The following CEBPZOS variants were observed in gnomAD, a reference collection of about 807,000 sequenced individuals.
CEBPZOS encodes CEBPZ opposite strand.
CEBPZOS carries 10 observed loss-of-function variants against 4.8 expected under a neutral mutation model. The observed-to-expected ratio is 2.07, with a 90% CI of 1.28 to 3.52. CEBPZOS has a LOEUF of 3.52. Ranked by LOEUF, CEBPZOS falls within the 30% of genes most tolerant of loss-of-function variation. CEBPZOS has a pLI of 0.00. For missense variants in CEBPZOS, 98 were observed against 43.6 expected (o/e 2.25, Z -3.51); for synonymous variants, 25 against 14.2 (o/e 1.77, Z -1.72).
chr2:37,212,133 CAGA>C (rs2148349017), intron 4 of CEBPZOS: 32 of 1,164,422 alleles, frequency 2.7e-5, no homozygotes, highest in East Asian at 4.7e-5. Flanking sequence ...TTAAATGACT[CAGA>C]AGGAGAAAGC....
In CEBPZOS at chr2:37,201,043, A is replaced by G. The variant is rs931672585; in HGVS notation, c.116-5A>G. On this transcript the variant is annotated splice_polypyrimidine_tract_variant and splice_region_variant and intron_variant, in intron 2 of 4. Transcript: ENST00000402297. ...CTAATTTCAAGACATCCTTTTTTCC[A>G]TCAGATTTCAGGCAAACAATGAGCA... The G allele has an allele frequency of 2.8e-5, 20 of 714,520 alleles. No homozygotes were observed. In the Admixed American group the frequency reaches 3.9e-4, roughly 14 times the overall value. The allele number at this position is 714,520 out of a possible 1,614,324, so 44.3% of individuals were successfully genotyped here.
At chr2:37,198,039 G>C (rs1466837655) in intron 1 of CEBPZOS, among the ~76,000 whole-genome samples, 1 of 149,942 alleles carries the variant, frequency 6.7e-6, no homozygotes, top group Admixed American at 6.6e-5. Context: ...GGGAGTCCCA[G>C]CTCCCAGCTA....
In CEBPZOS at chr2:37,204,277, ATT is replaced by A. The variant is rs531479622; in HGVS notation, c.*2435_*2436del. On this transcript the variant is annotated 3_prime_UTR_variant, in exon 5 of 5. Transcript: ENST00000402297. ...TAACACCATGCCTGGCTAATTTTTGATTTTTTTTTTTTTTTTTTTGAGACAGA... is the reference window on the plus strand; with the variant it reads ...TAACACCATGCCTGGCTAATTTTTGATTTTTTTTTTTTTTTTTGAGACAGA... The A allele has an allele frequency of 7.9e-4, 86 of 109,258 alleles. No individual in the cohort carries two copies. The highest frequency in any genetic ancestry group is 1.7e-3 in the Admixed American group (17 of 10,100). The allele number at this position is 109,258 out of a possible 1,614,324, so 6.8% of individuals were successfully genotyped here. A position where few individuals can be genotyped will look rare whatever the true frequency, so the allele number is the denominator to read the frequency against.
At chr2:37,216,148 T>A, downstream of CEBPZOS, 6 of 1,610,464 alleles carry the variant, frequency 3.7e-6, no homozygotes, top group Non-Finnish European at 5.1e-6. Flanking sequence ...ACCAGGAAGA[T>A]GACGAATATC....
chr2:37,201,243 G>A, intron 3 of CEBPZOS, 151 bp downstream of exon 3: 1 of 588,448 alleles, frequency 1.7e-6, no homozygotes, highest in Non-Finnish European at 3.0e-6. Flanking sequence ...ATTCTAGTGA[G>A]AGGAGAATTA....
downstream of CEBPZOS, chr2:37,213,926 T>G (rs184726546): frequency 5.4e-5 from 86 of 1,591,694 alleles, no homozygotes; most frequent in East Asian, 1.9e-3. Flanking sequence ...TGCATCCCGT[T>G]TTTGTTTCTC....
At chr2:37,215,094 G>A (rs1291306974), downstream of CEBPZOS, 1 of 612,140 alleles carries the variant, frequency 1.6e-6, no homozygotes, top group South Asian at 2.1e-5. Context: ...GGACTCTGGA[G>A]TGCAAGGGAC....
intron 1 of CEBPZOS, among the ~76,000 whole-genome samples, chr2:37,197,628 T>G (rs988803017): frequency 1.3e-5 from 2 of 152,230 alleles, no homozygotes; most frequent in African/African-American, 4.8e-5. Flanking sequence ...TACCAGCACT[T>G]TGGGAGGCCG....
Position 37,201,697 on chromosome 2 carries a change from A to G in CEBPZOS, c.216A>G (p.Gln72=). Residue 72 remains glutamine, a synonymous_variant, in exon 4 of 5, where the codon CAA becomes CAG. Coordinates refer to ENST00000402297, the MANE Select transcript of CEBPZOS (RefSeq NM_001322374.2). ...SGMYGIRELD[Q]KTWLNSKN ...TGTATGGAATCAGAGAGCTAGATCAAAAAACATGGTTGAACAGCAAAAATT... is the reference window on the plus strand; with the variant it reads ...TGTATGGAATCAGAGAGCTAGATCAGAAAACATGGTTGAACAGCAAAAATT... 6.0e-6 allele frequency: 6 copies of G among 997,754 alleles called. No individual in the cohort carries two copies. The highest frequency in any genetic ancestry group is 2.8e-5 in the South Asian group (2 of 72,618). 61.8% of individuals were successfully genotyped at this position (997,754 alleles called of 1,614,324 possible). A position where few individuals can be genotyped will look rare whatever the true frequency, so the allele number is the denominator to read the frequency against.
chr2:37,210,180 A>G (rs1443031273), intron 4 of CEBPZOS: 1 of 152,206 alleles, frequency 6.6e-6, no homozygotes, highest in Non-Finnish European at 1.5e-5. Flanking sequence ...TGCTGGTGGG[A>G]ATGTAAACTA....
chr2:37,213,965 T>C (rs778621833), downstream of CEBPZOS: 12 of 1,453,866 alleles, frequency 8.3e-6, no homozygotes, highest in East Asian at 1.7e-4. Flanking sequence ...ATAATACCTA[T>C]AATATTCATG....
chr2:37,213,574 G>C (rs889428704), exon 5 of CEBPZOS: 4 of 243,162 alleles, frequency 1.6e-5, no homozygotes, highest in African/African-American at 9.4e-5. Context: ...ACCATGCCCA[G>C]CTCATTTTTT....
At chr2:37,207,300 G>A (rs1677572016), downstream of CEBPZOS, among the ~76,000 whole-genome samples, 1 of 152,058 alleles carries the variant, frequency 6.6e-6, no homozygotes, top group Admixed American at 6.5e-5. Context: ...TAGAACAAAT[G>A]GACTTAACAG....
In CEBPZOS at chr2:37,204,044, C is replaced by G. The variant is rs1558465548; in HGVS notation, c.*2184C>G. The G allele has an allele frequency of 6.6e-6, 1 of 152,114 alleles. No individual in the cohort carries two copies. The highest frequency in any genetic ancestry group is 2.4e-5 in the African/African-American group (1 of 41,414). The allele number at this position is 152,114 out of a possible 1,614,324, so 9.4% of individuals were successfully genotyped here. A position where few individuals can be genotyped will look rare whatever the true frequency, so the allele number is the denominator to read the frequency against. On this transcript the variant is annotated 3_prime_UTR_variant, in exon 5 of 5. Transcript: ENST00000402297. ...ACTTTTGATAAAATAGTTTCTAAAA[C>G]ATTTCATCTTGATTTTTATTAAGGT...
At chr2:37,211,852 T>A (rs1221273556) in intron 4 of CEBPZOS, 4 of 1,598,978 alleles carry the variant, frequency 2.5e-6, no homozygotes, top group Non-Finnish European at 3.4e-6. Flanking sequence ...CCTGGAACGC[T>A]CTCACTTTCA....
chr2:37,202,898 A>C lies in CEBPZOS; in HGVS notation c.*1038A>C. 2 of 1,594,648 alleles carry C rather than the reference A, an allele frequency of 1.3e-6. No homozygotes were observed. Among genetic ancestry groups the C allele is most frequent in the Non-Finnish European group, 1.7e-6 (2 of 1,169,034 alleles). ...ACAAAAACGATAAATTTATTAGAAA[A>C]CTAAAAATAATGTAGAATAGCTAGC... On this transcript the variant is annotated 3_prime_UTR_variant, in exon 5 of 5. Transcript: ENST00000402297.
chr2:37,205,885 GAA>G (rs142225590), downstream of CEBPZOS, among the ~76,000 whole-genome samples: 3,522 of 152,292 alleles, frequency 0.023, 65 homozygotes, highest in Middle Eastern at 0.054. Flanking sequence ...TTAGCAGAAA[GAA>G]GAGTTCGTAT....
intron 2 of CEBPZOS, among the ~76,000 whole-genome samples, chr2:37,200,390 C>CCA (rs560122488): frequency 6.6e-6 from 1 of 152,106 alleles, no homozygotes; most frequent in African/African-American, 2.4e-5. Context: ...TTGAAACTTG[C>CCA]CACAGTCTTC....
At position 37,201,885 on chromosome 2, in the gene CEBPZOS, C is replaced by T; in HGVS notation, c.*25C>T. 6.2e-7 allele frequency: 1 copy of T among 1,613,638 alleles called. No homozygotes were observed. The highest frequency in any genetic ancestry group is 8.5e-7 in the Non-Finnish European group (1 of 1,179,876). On this transcript the variant is annotated 3_prime_UTR_variant, in exon 5 of 5. Transcript: ENST00000402297. The stretch of plus-strand genomic sequence containing the variant: ...TAGCCAGTCATCACGTTCAGCCTCC[C>T]ATCTAAGCTGTTTGAGACCTTTGAG...
Sources: allele counts gnomAD v4.1 joint callset (sites outside exome capture counted in the v4.1 genomes callset), GRCh38; gene constraint gnomAD v4.1.1; transcripts MANE v1.5; gene names NCBI Gene and HGNC (gene_info 2026-07-23, HGNC 2026-07-21).